C3orf70: variants seen among roughly 807,000 people sequenced by gnomAD.
C3orf70 encodes UPF0524 protein C3orf70.
Under a neutral mutation model 20.7 loss-of-function variants are expected in C3orf70, and 15 were observed. The observed-to-expected ratio is 0.72, with a 90% CI of 0.48 to 1.11. The LOEUF (loss-of-function observed/expected upper bound fraction) is 1.11. Among genes scored for constraint, C3orf70 ranks in the 50% most tolerant of loss-of-function variants. The pLI, the probability that C3orf70 is intolerant of heterozygous loss-of-function variation, is 0.00. For missense variants in C3orf70, 332 were observed against 317.6 expected (o/e 1.05, Z -0.34); for synonymous variants, 161 against 125.7 (o/e 1.28, Z -1.88).
At chr3:185,124,301 A>G (rs1002580009) in intron 1 of C3orf70, among the ~76,000 whole-genome samples, 1 of 152,224 alleles carries the variant, frequency 6.6e-6, no homozygotes, top group Non-Finnish European at 1.5e-5. Context: ...CCAAATTGAT[A>G]CACAAATTCA....
chr3:185,077,681 G>A lies in C3orf70; in HGVS notation c.*5326C>T, dbSNP rs1351421761. ...GCTCTGCCGGGCAGCAGCCTCCCTC[G>A]ATGCCTGATCTTCAGTTAGAACTGC... On this transcript the variant is annotated 3_prime_UTR_variant, in exon 2 of 2. Transcript: ENST00000335012. Among the ~76,000 whole-genome samples, 2 of 151,212 alleles carry A rather than the reference G, an allele frequency of 1.3e-5. No individual in the cohort carries two copies. The highest frequency in any genetic ancestry group is 2.9e-5 in the Non-Finnish European group (2 of 67,980).
chr3:185,151,945 A>C (rs1716996282), intron 1 of C3orf70, among the ~76,000 whole-genome samples: 1 of 152,234 alleles, frequency 6.6e-6, no homozygotes, highest in African/African-American at 2.4e-5. Flanking sequence ...AGCTTTTATA[A>C]ATTGGTTTAA....
chr3:185,120,350 G>A (rs1716271900), intron 1 of C3orf70, among the ~76,000 whole-genome samples: 2 of 152,038 alleles, frequency 1.3e-5, no homozygotes, highest in African/African-American at 2.4e-5. Context: ...TCATAATGTT[G>A]GCATTCTAGG....
chr3:185,145,459 C>T (rs7620959), intron 1 of C3orf70, among the ~76,000 whole-genome samples: 11,048 of 71,174 alleles, frequency 0.16, 451 homozygotes, highest in South Asian at 0.2. Context: ...AATTTTATTT[C>T]ATTCAAATAC....
chr3:185,107,433 G>T (rs1475740222), intron 1 of C3orf70, among the ~76,000 whole-genome samples: 1 of 152,046 alleles, frequency 6.6e-6, no homozygotes, highest in African/African-American at 2.4e-5. Flanking sequence ...CCCTGGTATG[G>T]GACTAGAAAA....
chr3:185,125,425 AC>A (rs1553921221), intron 1 of C3orf70, among the ~76,000 whole-genome samples: 3 of 143,188 alleles, frequency 2.1e-5, no homozygotes, highest in Non-Finnish European at 3.1e-5. Flanking sequence ...AACAACAACA[AC>A]AACAAAAACC....
intron 1 of C3orf70, among the ~76,000 whole-genome samples, chr3:185,128,526 GAAA>G (rs779479424): frequency 2.4e-5 from 3 of 123,532 alleles, no homozygotes; most frequent in Admixed American, 8.5e-5. Context: ...GACTGTTTCG[GAAA>G]AAAAAAAAAA....
intron 1 of C3orf70, among the ~76,000 whole-genome samples, chr3:185,106,156 C>A (rs1382280141): frequency 6.6e-6 from 1 of 152,118 alleles, no homozygotes. Flanking sequence ...TTTATTCAGG[C>A]AGGAATTCAG....
rs1485513088 is a variant in C3orf70, at chr3:185,118,732, AAACAAGT to A, written c.196+33889_196+33895del. The stretch of plus-strand genomic sequence containing the variant: ...TGTCATGCTTCCAGGGTTAAATTTA[AAACAAGT>A]ATCAGAACACTAAATAAAAATTTTA... On this transcript the variant is annotated intron_variant, in intron 1 of 1. Coordinates refer to ENST00000335012, the MANE Select transcript of C3orf70 (RefSeq NM_001025266.3). 9.2e-5 allele frequency among the ~76,000 whole-genome samples: 14 copies of A among 152,358 alleles called. 1 individual carries two copies. The South Asian group carries it at 2.5e-3, about 27-fold the overall frequency.
intron 1 of C3orf70, among the ~76,000 whole-genome samples, chr3:185,137,966 C>G (rs1415422755): frequency 6.6e-6 from 1 of 152,110 alleles, no homozygotes; most frequent in East Asian, 1.9e-4. Context: ...AGAGCTGCCT[C>G]TTTTAAAAGG....
chr3:185,099,162 T>C (rs539923698), intron 1 of C3orf70, among the ~76,000 whole-genome samples: 1 of 152,276 alleles, frequency 6.6e-6, no homozygotes, highest in South Asian at 2.1e-4. Flanking sequence ...ATTCAGGATA[T>C]CATCCGGGAG....
At chr3:185,098,088 G>C (rs1403747355) in intron 1 of C3orf70, among the ~76,000 whole-genome samples, 2 of 152,158 alleles carry the variant, frequency 1.3e-5, no homozygotes, top group African/African-American at 4.8e-5. Flanking sequence ...CTTGCAGAGA[G>C]ACAAAGCCAT....
intron 1 of C3orf70, among the ~76,000 whole-genome samples, chr3:185,083,794 G>A (rs1212982713): frequency 6.6e-6 from 1 of 152,084 alleles, no homozygotes; most frequent in African/African-American, 2.4e-5. Flanking sequence ...TTATATTTGT[G>A]TCTTTCTGAT....
At chr3:185,140,969 C>CAAA (rs35570209) in intron 1 of C3orf70, among the ~76,000 whole-genome samples, 5 of 136,672 alleles carry the variant, frequency 3.7e-5, no homozygotes, top group African/African-American at 1.1e-4. Flanking sequence ...CCCTTGTCAC[C>CAAA]AAAAAAAAAA....
chr3:185,085,669 T>G (rs1049005705), intron 1 of C3orf70, among the ~76,000 whole-genome samples: 49 of 146,614 alleles, frequency 3.3e-4, no homozygotes, highest in African/African-American at 1.2e-3. Flanking sequence ...CTTTAAAAGG[T>G]AATTACTACT....
chr3:185,078,779 T>C lies in C3orf70; in HGVS notation c.*4228A>G, dbSNP rs1365211389. ...AAATTTTGCAAACAAGATGTGGGAA[T>C]ATTAAGAGCTGACTGTAGAAATATT... On this transcript the variant is annotated 3_prime_UTR_variant, in exon 2 of 2. Coordinates refer to ENST00000335012, the MANE Select transcript of C3orf70 (RefSeq NM_001025266.3). 2 of 152,208 alleles carry C rather than the reference T, an allele frequency of 1.3e-5. No individual in the cohort carries two copies. Among genetic ancestry groups the C allele is most frequent in the African/African-American group, 4.8e-5 (2 of 41,442 alleles). The allele number at this position is 152,208 out of a possible 1,614,324, so 9.4% of individuals were successfully genotyped here. A position where few individuals can be genotyped will look rare whatever the true frequency, so the allele number is the denominator to read the frequency against.
chr3:185,149,043 C>T (rs923563027), intron 1 of C3orf70, among the ~76,000 whole-genome samples: 2 of 152,190 alleles, frequency 1.3e-5, no homozygotes, highest in Non-Finnish European at 2.9e-5. Flanking sequence ...ATTTGGCAAA[C>T]AAACTGATAG....
chr3:185,099,602 T>G (rs1561337062), intron 1 of C3orf70, among the ~76,000 whole-genome samples: 1 of 152,064 alleles, frequency 6.6e-6, no homozygotes, highest in Non-Finnish European at 1.5e-5. Flanking sequence ...TGCCAGCCAC[T>G]ACAAAAACAC....
intron 1 of C3orf70, among the ~76,000 whole-genome samples, chr3:185,120,941 C>G (rs925225226): frequency 5.3e-5 from 8 of 152,108 alleles, no homozygotes; most frequent in Non-Finnish European, 1.0e-4. Flanking sequence ...ACGTTTATAG[C>G]AGCACCATTC....
Sources: gnomAD v4.1 joint callset for allele counts (sites outside exome capture counted in the v4.1 genomes callset) on GRCh38, gnomAD v4.1.1 for gene constraint, MANE v1.5 for transcripts, NCBI Gene and HGNC (gene_info 2026-07-23, HGNC 2026-07-21) for gene names.